Variants in FRMD3 observed in about 807,000 individuals in gnomAD.
The protein encoded by FRMD3 is FERM domain-containing protein 3.
FRMD3 carries 33 observed loss-of-function variants against 70.2 expected under a neutral mutation model. The observed-to-expected ratio is 0.47, with a 90% CI of 0.36 to 0.63. The LOEUF (loss-of-function observed/expected upper bound fraction) is 0.63, where lower values mean the gene tolerates loss of function less well. Ranked by LOEUF, FRMD3 falls within the 20% of genes least tolerant of loss-of-function variation. FRMD3 has a pLI of 0.00. For missense variants in FRMD3, 632 were observed against 711.4 expected, an observed-to-expected ratio of 0.89 and a Z score of 1.27; for synonymous variants, 279 against 255.9, an observed-to-expected ratio of 1.09 and a Z score of -0.86.
chr9:83,374,442 C>A (rs1825080048), intron 2 of FRMD3, among the ~76,000 whole-genome samples: 2 of 152,096 alleles, frequency 1.3e-5, no homozygotes, highest in Admixed American at 6.5e-5. Flanking sequence ...AAAAACAAGT[C>A]TTTTTGCTTC....
At chr9:83,446,580 G>C (rs754200399) in intron 1 of FRMD3, among the ~76,000 whole-genome samples, 45 of 148,706 alleles carry the variant, frequency 3.0e-4, no homozygotes, top group Non-Finnish European at 4.9e-4. Context: ...CGGGGAGGCA[G>C]AGCTTGCAGT....
At chr9:83,580,575 C>T in the FRMD3 span, among the ~76,000 whole-genome samples, 4 of 151,972 alleles carry the variant, frequency 2.6e-5, no homozygotes, top group African/African-American at 7.2e-5. Flanking sequence ...GAATTCATAG[C>T]AGTAGAAAGC....
At chr9:83,442,101 C>T (rs1827315486) in intron 1 of FRMD3, among the ~76,000 whole-genome samples, 1 of 152,096 alleles carries the variant, frequency 6.6e-6, no homozygotes, top group African/African-American at 2.4e-5. Flanking sequence ...AGATGCGTCA[C>T]CCTCTCTGAG....
intron 1 of FRMD3, among the ~76,000 whole-genome samples, chr9:83,423,210 T>C (rs1437974973): frequency 6.6e-6 from 1 of 152,242 alleles, no homozygotes; most frequent in Non-Finnish European, 1.5e-5. Flanking sequence ...ATGTCTTGCA[T>C]TTGTTTAATG....
chr9:83,347,500 G>A (rs1426791166), intron 4 of FRMD3, among the ~76,000 whole-genome samples: 3 of 152,046 alleles, frequency 2.0e-5, no homozygotes, highest in African/African-American at 7.2e-5. Context: ...ACATTCAATT[G>A]TATAGAGCAT....
At chr9:83,292,809 A>G (rs1198526299) in intron 12 of FRMD3, among the ~76,000 whole-genome samples, 1 of 152,010 alleles carries the variant, frequency 6.6e-6, no homozygotes, top group Non-Finnish European at 1.5e-5. Flanking sequence ...CACCATGCCC[A>G]GCTAATTTTT....
chr9:83,484,784 A>C (rs1454225567), intron 1 of FRMD3, among the ~76,000 whole-genome samples: 1 of 152,198 alleles, frequency 6.6e-6, no homozygotes, highest in Non-Finnish European at 1.5e-5. Context: ...CAAATCTAGC[A>C]AAAGAGAAAT....
intron 10 of FRMD3, among the ~76,000 whole-genome samples, chr9:83,308,016 G>C (rs1326961006): frequency 6.6e-6 from 1 of 152,160 alleles, no homozygotes; most frequent in Non-Finnish European, 1.5e-5. Flanking sequence ...CAAAGACCTT[G>C]AGGTGGTGGT....
chr9:83,530,790 G>C (rs568806015), intron 1 of FRMD3, among the ~76,000 whole-genome samples: 1 of 152,196 alleles, frequency 6.6e-6, no homozygotes, highest in South Asian at 2.1e-4. Flanking sequence ...ACCTACCCTA[G>C]ACAAAGCATC....
chr9:83,384,586 T>C (rs1051275517), intron 2 of FRMD3, among the ~76,000 whole-genome samples: 1 of 152,202 alleles, frequency 6.6e-6, no homozygotes, highest in Admixed American at 6.5e-5. Context: ...CTTGGGGCTG[T>C]AATTATATTA....
At chr9:83,467,085 CA>C (rs1272347878) in intron 1 of FRMD3, among the ~76,000 whole-genome samples, 1 of 152,150 alleles carries the variant, frequency 6.6e-6, no homozygotes, top group Non-Finnish European at 1.5e-5. Flanking sequence ...GCTCTTAAAA[CA>C]ATCAAAAGAA....
chr9:83,423,057 A>G (rs1367613785), intron 1 of FRMD3, among the ~76,000 whole-genome samples: 1 of 152,214 alleles, frequency 6.6e-6, no homozygotes, highest in Non-Finnish European at 1.5e-5. Context: ...GAGTAATATA[A>G]AGAAGAGTAA....
chr9:83,501,982 T>C (rs180918973), intron 1 of FRMD3, among the ~76,000 whole-genome samples: 3 of 152,366 alleles, frequency 2.0e-5, no homozygotes, highest in Admixed American at 1.3e-4. Flanking sequence ...TTGTTACTTA[T>C]GGAAGCAACT....
intron 13 of FRMD3, among the ~76,000 whole-genome samples, chr9:83,260,458 A>G (rs1832932246): frequency 6.6e-6 from 1 of 152,120 alleles, no homozygotes; most frequent in Admixed American, 6.5e-5. Flanking sequence ...GCCCCATTTC[A>G]TCTGCTGAAC....
intron 1 of FRMD3, among the ~76,000 whole-genome samples, chr9:83,513,923 A>C (rs1829394785): frequency 6.6e-6 from 1 of 152,202 alleles, no homozygotes; most frequent in African/African-American, 2.4e-5. Context: ...AGAATGGTGC[A>C]TTCTGGCCCA....
rs1046295690 is a variant in FRMD3, at chr9:83,357,525, C to T, written c.296-7768G>A. 4.0e-5 allele frequency among the ~76,000 whole-genome samples: 6 copies of T among 151,718 alleles called. No homozygotes were observed. The East Asian group carries it at 7.8e-4, about 20-fold the overall frequency. On this transcript the variant is annotated intron_variant, in intron 3 of 13. Coordinates refer to ENST00000304195, the MANE Select transcript of FRMD3 (RefSeq NM_174938.6). ...CACACTGTTTTCCATAGTGGTTGTACTAGTTTACAACCCCACCAATAGTGT... is the reference window on the plus strand; with the variant it reads ...CACACTGTTTTCCATAGTGGTTGTATTAGTTTACAACCCCACCAATAGTGT...
At chr9:83,550,348 G>C in the FRMD3 span, among the ~76,000 whole-genome samples, 2 of 152,066 alleles carry the variant, frequency 1.3e-5, no homozygotes, top group South Asian at 4.1e-4. Context: ...GGTCACTGTA[G>C]ACTTGTAGTA....
At position 83,248,413 on chromosome 9, in the gene FRMD3, A is replaced by G; in HGVS notation, c.1299T>C (p.Asp433=). ...EYEDPPSEEE[D]KIKEEPLTIS... is the part of the protein sequence containing the mutation. ...TGGTTAAAGGTTCTTCTTTTATTTT[A>G]TCTTCCTCTTCACTAGGGGGATCTT... Residue 433 remains aspartate, a synonymous_variant, in exon 14 of 14, where the codon GAT becomes GAC. Coordinates refer to ENST00000304195, the MANE Select transcript of FRMD3 (RefSeq NM_174938.6). 3 of 1,614,070 alleles carry G rather than the reference A, an allele frequency of 1.9e-6. No individual in the cohort carries two copies. Among genetic ancestry groups the G allele is most frequent in the Non-Finnish European group, 2.5e-6 (3 of 1,180,002 alleles).
intron 1 of FRMD3, among the ~76,000 whole-genome samples, chr9:83,516,632 T>A (rs904752398): frequency 6.6e-6 from 1 of 152,158 alleles, no homozygotes; most frequent in African/African-American, 2.4e-5. Flanking sequence ...CTAATAGACA[T>A]CTTCAGAACT....
Sources: allele counts gnomAD v4.1 joint callset (sites outside exome capture counted in the v4.1 genomes callset), GRCh38; gene constraint gnomAD v4.1.1; transcripts MANE v1.5; gene names NCBI Gene and HGNC (gene_info 2026-07-23, HGNC 2026-07-21).